The following TKTL1 variants were observed in gnomAD, a reference collection of about 807,000 sequenced individuals.
TKTL1 encodes the protein transketolase like 1.
In TKTL1, 1 loss-of-function variant was observed where a neutral mutation model predicts 39.3. The observed-to-expected ratio is 0.03, with a 90% CI of 0.01 to 0.12. The LOEUF (loss-of-function observed/expected upper bound fraction) is 0.12. Among genes scored for constraint, TKTL1 ranks in the 10% least tolerant of loss-of-function variants. TKTL1 has a pLI of 1.00. For missense variants in TKTL1, 575 were observed against 509.6 expected (o/e 1.13, Z -1.24); for synonymous variants, 262 against 193.8 (o/e 1.35, Z -2.92).
intron 5 of TKTL1, 44 bp from the exon 6 acceptor site, chrX:154,312,536 C>T (rs1439787958): frequency 3.4e-6 from 4 of 1,169,944 alleles, no homozygotes; most frequent in African/African-American, 1.8e-5. Flanking sequence ...TAGGCACTCA[C>T]TAAATATTTA....
intron 1 of TKTL1, among the ~76,000 whole-genome samples, chrX:154,297,986 G>A (rs1439961695): frequency 3.6e-5 from 4 of 111,531 alleles, no homozygotes; most frequent in African/African-American, 9.8e-5. Context: ...TACGAATGAG[G>A]CTTTTATTTA....
At chrX:154,300,685 TTTTG>T (rs199858353) in intron 1 of TKTL1, among the ~76,000 whole-genome samples, 1,611 of 110,893 alleles carry the variant, frequency 0.015, 19 homozygotes, top group African/African-American at 0.049. Context: ...GTCTTTAGGA[TTTTG>T]TTTGTTTGTG....
intron 7 of TKTL1, among the ~76,000 whole-genome samples, chrX:154,316,767 G>T (rs6643842): frequency 0.19 from 14,974 of 78,428 alleles, 2,423 homozygotes; most frequent in African/African-American, 0.5. Flanking sequence ...GTTTTTTTTT[G>T]GGGGTTTTTT....
rs782507509 is a variant in TKTL1, at chrX:154,315,310, C to T, written c.1002C>T (p.Ile334=). The stretch of plus-strand genomic sequence containing the variant: ...ACAAGGAGTACCCTGAGCGCTTCAT[C>T]GAGTGCTTTATGGCTGAACAAAACA... ...IFNKEYPERF[I]ECFMAEQNMV... The change falls in exon 7 of 13, where the codon ATC becomes ATT. Residue 334 remains isoleucine, a synonymous_variant. Coordinates refer to ENST00000369915, the MANE Select transcript of TKTL1 (RefSeq NM_012253.4). 1.9e-4 allele frequency: 225 copies of T among 1,209,055 alleles called. No homozygotes were observed. Among genetic ancestry groups the T allele is most frequent in the South Asian group, 3.3e-4 (19 of 56,719 alleles).
chrX:154,296,485 G>A (rs1443341418), intron 1 of TKTL1, among the ~76,000 whole-genome samples: 1 of 110,819 alleles, frequency 9.0e-6, no homozygotes, highest in Admixed American at 9.6e-5. Context: ...GCAACATGGC[G>A]AAACCCCGTC....
At chrX:154,300,092 T>C (rs782263349) in intron 1 of TKTL1, among the ~76,000 whole-genome samples, 1 of 107,874 alleles carries the variant, frequency 9.3e-6, no homozygotes, top group South Asian at 4.1e-4. Flanking sequence ...GTTGGCTCAC[T>C]GCAACCTCTG....
chrX:154,323,419 T>C (rs782018188), intron 9 of TKTL1, 82 bp downstream of exon 9: 284 of 1,059,193 alleles, frequency 2.7e-4, no homozygotes, highest in Non-Finnish European at 3.4e-4. Flanking sequence ...GACTTTTTTT[T>C]CTCAACATAA....
intron 6 of TKTL1, among the ~76,000 whole-genome samples, chrX:154,314,111 C>G (rs1468347768): frequency 1.8e-5 from 2 of 110,811 alleles, no homozygotes; most frequent in Non-Finnish European, 3.8e-5. Flanking sequence ...AGAAAATTAT[C>G]CAAGTGCTAT....
In TKTL1 at chrX:154,311,098, C is replaced by T. The variant is rs1452768971; in HGVS notation, c.543-13C>T. 2.5e-6 allele frequency: 3 copies of T among 1,209,980 alleles called. No homozygotes were observed. The highest frequency in any genetic ancestry group is 3.5e-5 in the African/African-American group (2 of 57,305). On this transcript the variant is annotated splice_polypyrimidine_tract_variant and intron_variant, in intron 4 of 12. Coordinates refer to ENST00000369915, the MANE Select transcript of TKTL1 (RefSeq NM_012253.4). ...TTCATCTCTTGTAACCCAGCCTGCT[C>T]CTCTGTTGGCAGGTGGAACACTTAT...
At position 154,310,885 on chromosome X, in the gene TKTL1, G is replaced by C. The variant is rs782280549; in HGVS notation, c.400G>C (p.Val134Leu). The C allele has an allele frequency of 9.1e-6, 11 of 1,210,335 alleles. No homozygotes were observed. The East Asian group carries it at 3.0e-4, about 33-fold the overall frequency. The stretch of plus-strand genomic sequence containing the variant: ...TGATGGCGAGTCCTCAGAAGGCTCT[G>C]TCTGGGAGGCAATGGCCTTTGCTTC... ...MSDGESSEGS[V>L]WEAMAFASYY... is the part of the protein sequence containing the mutation. The change falls in exon 4 of 13, where the codon GTC becomes CTC. Residue 134 changes from valine to leucine, a missense_variant. Coordinates refer to ENST00000369915, the MANE Select transcript of TKTL1 (RefSeq NM_012253.4).
intron 7 of TKTL1, among the ~76,000 whole-genome samples, chrX:154,317,150 C>T (rs995293626): frequency 2.7e-5 from 3 of 111,793 alleles, no homozygotes; most frequent in Non-Finnish European, 5.6e-5. Context: ...AAATTTTGCT[C>T]CCCACCTCAC....
chrX:154,320,506 C>CG, intron 7 of TKTL1: 1 of 387,821 alleles, frequency 2.6e-6, no homozygotes, highest in Non-Finnish European at 4.5e-6. Flanking sequence ...TGGAAAGCTG[C>CG]GGACACCAGG....
intron 2 of TKTL1, 104 bp downstream of exon 2, chrX:154,305,525 T>C: frequency 1.0e-6 from 1 of 1,000,031 alleles, no homozygotes; most frequent in Non-Finnish European, 1.3e-6. Flanking sequence ...TCGTTTATTA[T>C]TTTGGTTCTT....
intron 6 of TKTL1, among the ~76,000 whole-genome samples, chrX:154,314,067 C>A (rs61314549): frequency 0.12 from 13,485 of 110,517 alleles, 1,928 homozygotes; most frequent in African/African-American, 0.41. Flanking sequence ...GGTATAAAAA[C>A]CTTAAATGGA....
At chrX:154,310,721 C>A in intron 3 of TKTL1, 115 bp from the exon 4 acceptor site, 1 of 628,664 alleles carries the variant, frequency 1.6e-6, no homozygotes. Flanking sequence ...TTGTGGGAAG[C>A]GAATGGTCTG....
At chrX:154,328,641 A>G (rs782420397) in intron 12 of TKTL1, among the ~76,000 whole-genome samples, 1 of 106,264 alleles carries the variant, frequency 9.4e-6, no homozygotes, top group South Asian at 4.4e-4. Flanking sequence ...CAAATGCAGA[A>G]AACAGTGTGT....
chrX:154,312,872 C>T (rs2067369453), intron 6 of TKTL1, 99 bp downstream of exon 6: 3 of 823,345 alleles, frequency 3.6e-6, no homozygotes, highest in Non-Finnish European at 5.1e-6. Flanking sequence ...TTATTCTGGT[C>T]TCCATGGACG....
rs182629514 is a variant in TKTL1 at position 154,310,277 on chromosome X, C to A, written c.351-559C>A. On this transcript the variant is annotated intron_variant, in intron 3 of 12. Transcript: ENST00000369915. ...TTCGAGACCAGCCTGGCCAACATGG[C>A]GAAACCGCCTCTCTACTAAAAAATA... 9.2e-3 allele frequency among the ~76,000 whole-genome samples: 1,010 copies of A among 110,185 alleles called. 6 individuals carry two copies. The highest frequency in any genetic ancestry group is 0.031 in the African/African-American group (952 of 30,364).
intron 1 of TKTL1, among the ~76,000 whole-genome samples, chrX:154,301,160 A>G (rs782770566): frequency 4.3e-4 from 48 of 111,312 alleles, no homozygotes; most frequent in Non-Finnish European, 7.0e-4. Flanking sequence ...TTTTCCATCT[A>G]TTATTGATTT....
Sources: gnomAD v4.1 joint callset for allele counts (sites outside exome capture counted in the v4.1 genomes callset) on GRCh38, gnomAD v4.1.1 for gene constraint, MANE v1.5 for transcripts, NCBI Gene and HGNC (gene_info 2026-07-23, HGNC 2026-07-21) for gene names.